Variants in APBB2 observed in about 807,000 individuals in gnomAD.
APBB2 encodes the protein Fe65-like 1.
Under a neutral mutation model 82.5 loss-of-function variants are expected in APBB2, and 38 were observed. That is an observed-to-expected ratio of 0.46 (90% CI 0.36 to 0.60). The LOEUF (loss-of-function observed/expected upper bound fraction) is 0.60. Ranked by LOEUF, APBB2 falls within the 20% of genes least tolerant of loss-of-function variation. The probability of loss-of-function intolerance (pLI) is 0.00; values close to 1 mark genes in which losing one functional copy is unlikely to be tolerated. For missense variants in APBB2, 772 were observed against 972.3 expected, an observed-to-expected ratio of 0.79 and a Z score of 2.74; for synonymous variants, 341 against 368.2, an observed-to-expected ratio of 0.93 and a Z score of 0.85.
chr4:41,015,927 TA>T (rs151027102), intron 5 of APBB2, among the ~76,000 whole-genome samples: 12 of 151,294 alleles, frequency 7.9e-5, no homozygotes, highest in African/African-American at 1.5e-4. Context: ...ACAATTAAAT[TA>T]AAAAAAAACA....
chr4:40,972,161 G>C (rs1021858831), intron 6 of APBB2, among the ~76,000 whole-genome samples: 1 of 152,134 alleles, frequency 6.6e-6, no homozygotes, highest in African/African-American at 2.4e-5. Context: ...GGCTGTGGTG[G>C]CTCATGCTTG....
intron 5 of APBB2, among the ~76,000 whole-genome samples, chr4:41,027,732 G>A (rs1264004404): frequency 7.0e-6 from 1 of 142,034 alleles, no homozygotes; most frequent in Non-Finnish European, 1.5e-5. Context: ...CCAAGGCCAA[G>A]AACACAGCAG....
intron 1 of APBB2, among the ~76,000 whole-genome samples, chr4:41,155,711 A>G (rs1763281857): frequency 6.6e-6 from 1 of 152,210 alleles, no homozygotes; most frequent in Non-Finnish European, 1.5e-5. Flanking sequence ...ACTCTTGCCT[A>G]ATAAATTATG....
chr4:41,173,211 C>T (rs563241083), intron 1 of APBB2, among the ~76,000 whole-genome samples: 36 of 152,286 alleles, frequency 2.4e-4, no homozygotes, highest in African/African-American at 8.4e-4. Flanking sequence ...CAAGCTAAAT[C>T]GCAGCTATCC....
intron 16 of APBB2, 24 bp from the exon 17 acceptor site, chr4:40,822,074 C>T: frequency 3.7e-6 from 6 of 1,612,350 alleles, no homozygotes; most frequent in Non-Finnish European, 5.1e-6. Context: ...TATGCGGCAT[C>T]CAATCAGGAG....
intron 12 of APBB2, among the ~76,000 whole-genome samples, chr4:40,870,904 G>A (rs1442164315): frequency 6.6e-6 from 1 of 151,746 alleles, no homozygotes; most frequent in Non-Finnish European, 1.5e-5. Context: ...AGCTAATTTT[G>A]TATATTTAGC....
chr4:41,148,149 T>TC (rs1163429746), intron 1 of APBB2, among the ~76,000 whole-genome samples: 2 of 152,186 alleles, frequency 1.3e-5, no homozygotes, highest in African/African-American at 4.8e-5. Context: ...GAAACTGGCA[T>TC]CCAACAAAGT....
At chr4:41,026,158 AAAG>A (rs1162490357) in intron 5 of APBB2, among the ~76,000 whole-genome samples, 4 of 152,124 alleles carry the variant, frequency 2.6e-5, no homozygotes, top group African/African-American at 7.2e-5. Context: ...TTACAAACAC[AAAG>A]AAGGAGACAA....
At chr4:40,983,610 C>T (rs544610253) in intron 6 of APBB2, among the ~76,000 whole-genome samples, 1 of 151,366 alleles carries the variant, frequency 6.6e-6, no homozygotes, top group Non-Finnish European at 1.5e-5. Context: ...CGGAGTCTCA[C>T]TCTGTTGCCC....
intron 1 of APBB2, among the ~76,000 whole-genome samples, chr4:41,211,126 G>A (rs541059147): frequency 4.6e-5 from 7 of 152,002 alleles, no homozygotes; most frequent in Non-Finnish European, 8.8e-5. Flanking sequence ...GTGGTGGCGG[G>A]CACCTGGAAT....
At chr4:40,945,268 G>A (rs1788068906) in intron 6 of APBB2, among the ~76,000 whole-genome samples, 195 bp from the exon 7 acceptor site, 1 of 152,152 alleles carries the variant, frequency 6.6e-6, no homozygotes, top group Non-Finnish European at 1.5e-5. Context: ...ATGGAAACAA[G>A]TATAAGAATT....
At chr4:40,827,296 C>T in intron 13 of APBB2, 77 bp from the exon 14 acceptor site, 3 of 1,277,960 alleles carry the variant, frequency 2.3e-6, no homozygotes, top group Non-Finnish European at 2.3e-6. Context: ...TGTAAAGTGT[C>T]TAGGTTGACT....
chr4:41,049,234 C>G (rs1414544520), intron 4 of APBB2, among the ~76,000 whole-genome samples: 2 of 150,196 alleles, frequency 1.3e-5, no homozygotes, highest in Non-Finnish European at 3.0e-5. Flanking sequence ...TCTGCCCAGC[C>G]GCGACCCCGT....
chr4:40,951,275 T>C (rs532439947), intron 6 of APBB2, among the ~76,000 whole-genome samples: 14 of 152,204 alleles, frequency 9.2e-5, no homozygotes, highest in Non-Finnish European at 1.5e-4. Flanking sequence ...TTTCTCTATG[T>C]ATGTTTTTTT....
rs1316655988 is a variant in APBB2, at chr4:40,850,955, AT to A, written c.1530-20379del. On this transcript the variant is annotated intron_variant, in intron 12 of 17. Coordinates refer to ENST00000508593, the MANE Select transcript of APBB2 (RefSeq NM_004307.2). ...AGTGAGACCCCGTCTCAAAAAAAAA[AT>A]TTTTTTTTAAAACTGGCCTTTTACA... Among the ~76,000 whole-genome samples, 115 of 151,976 alleles carry A rather than the reference AT, an allele frequency of 7.6e-4. 1 individual carries two copies. In the East Asian group the frequency reaches 0.021, roughly 28 times the overall value.
At chr4:40,922,735 T>G (rs1314452691) in intron 10 of APBB2, among the ~76,000 whole-genome samples, 1 of 151,724 alleles carries the variant, frequency 6.6e-6, no homozygotes, top group East Asian at 1.9e-4. Context: ...GTCAGCCTCC[T>G]GAGTAGCTGG....
chr4:40,866,066 C>T (rs1236952733), intron 12 of APBB2, among the ~76,000 whole-genome samples: 1 of 152,206 alleles, frequency 6.6e-6, no homozygotes, highest in Non-Finnish European at 1.5e-5. Context: ...TAAACTTAAG[C>T]GTGCTGTCAC....
intron 6 of APBB2, among the ~76,000 whole-genome samples, chr4:40,970,803 T>G (rs542816126): frequency 6.6e-6 from 1 of 152,208 alleles, no homozygotes; most frequent in South Asian, 2.1e-4. Context: ...GTTTTAGCAC[T>G]GCAAGTCCCA....
At chr4:41,192,081 T>C (rs191697893) in intron 1 of APBB2, among the ~76,000 whole-genome samples, 190 of 152,282 alleles carry the variant, frequency 1.2e-3, no homozygotes, top group South Asian at 5.8e-3. Context: ...TTAAAAGCAC[T>C]ATGAGGTACC....
Sources: gnomAD v4.1 joint callset for allele counts (sites outside exome capture counted in the v4.1 genomes callset) on GRCh38, gnomAD v4.1.1 for gene constraint, MANE v1.5 for transcripts, NCBI Gene and HGNC (gene_info 2026-07-23, HGNC 2026-07-21) for gene names.